Variants in CACHD1 observed in about 807,000 individuals in gnomAD.
CACHD1 encodes VWFA and cache domain-containing protein 1.
In CACHD1, 71 loss-of-function variants were observed where a neutral mutation model predicts 138.7. The ratio of observed to expected loss-of-function variants is 0.51; its 90% CI spans 0.42 to 0.62. The LOEUF is 0.62. Ranked by LOEUF, CACHD1 falls within the 20% of genes least tolerant of loss-of-function variation. The probability of loss-of-function intolerance (pLI) is 0.00; values close to 1 mark genes in which losing one functional copy is unlikely to be tolerated. For missense variants in CACHD1, 1,389 were observed against 1,625.3 expected (o/e 0.85, Z 2.50); for synonymous variants, 578 against 591.5 (o/e 0.98, Z 0.33).
rs900322666 is a variant in CACHD1, at chr1:64,582,296, C to T, written c.402C>T (p.Ser134=). Residue 134 remains serine (S), a synonymous_variant, in exon 3 of 27, where the codon TCC becomes TCT. Transcript: ENST00000651257. The part of the protein sequence containing the change: ...AIQDCCTIPP[S]MMEFDGNFNT... ...AAGACTGCTGTACTATCCCACCTTC[C>T]ATGATGGAGTAAGACTTTAAAACTT... 2 of 1,613,300 alleles carry T rather than the reference C, an allele frequency of 1.2e-6. No individual in the cohort carries two copies. The highest frequency in any genetic ancestry group is 1.7e-6 in the Non-Finnish European group (2 of 1,179,508).
At chr1:64,603,961 C>T (rs1360281409) in intron 4 of CACHD1, among the ~76,000 whole-genome samples, 1 of 151,794 alleles carries the variant, frequency 6.6e-6, no homozygotes, top group African/African-American at 2.4e-5. Context: ...AGCACGGGAA[C>T]CCCCCCAAAG....
At chr1:64,578,330 G>GA (rs945902796) in intron 2 of CACHD1, among the ~76,000 whole-genome samples, 1 of 152,150 alleles carries the variant, frequency 6.6e-6, no homozygotes, top group Non-Finnish European at 1.5e-5. Context: ...GAAGAACCCT[G>GA]AAATCTCTTT....
chr1:64,546,804 C>T (rs1327947227), intron 1 of CACHD1, among the ~76,000 whole-genome samples: 1 of 152,108 alleles, frequency 6.6e-6, no homozygotes, highest in African/African-American at 2.4e-5. Flanking sequence ...GCCCCGTACT[C>T]TATTTCTTTT....
At chr1:64,678,070 G>A (rs1650052696) in intron 22 of CACHD1, 89 bp from the exon 23 acceptor site, 3 of 1,350,770 alleles carry the variant, frequency 2.2e-6, no homozygotes, top group Non-Finnish European at 3.0e-6. Flanking sequence ...AAGTAATGGA[G>A]ATCCTGAGAA....
intron 1 of CACHD1, among the ~76,000 whole-genome samples, chr1:64,510,098 G>T (rs926667858): frequency 6.6e-6 from 1 of 152,050 alleles, no homozygotes; most frequent in Non-Finnish European, 1.5e-5. Flanking sequence ...ATTTTAATGG[G>T]AGTCAAGAGC....
rs190044758 is a variant in CACHD1, at chr1:64,610,101, T to G, written c.517+7189T>G. ...GATCAGATCTCCTGAGAACTCACTT[T>G]CACAAGAACAGCATGAAGGTAACCA... On this transcript the variant is annotated intron_variant, in intron 4 of 26. Transcript: ENST00000651257. Among the ~76,000 whole-genome samples the G allele has an allele frequency of 1.2e-4, 18 of 152,248 alleles. No homozygotes were observed. In the East Asian group the frequency reaches 3.5e-3, roughly 29 times the overall value.
At chr1:64,547,254 G>T (rs1355982532) in intron 1 of CACHD1, among the ~76,000 whole-genome samples, 1 of 152,168 alleles carries the variant, frequency 6.6e-6, no homozygotes, top group Non-Finnish European at 1.5e-5. Flanking sequence ...GGCTTAGCAG[G>T]TCCTGCATTT....
At chr1:64,675,870 C>A in intron 20 of CACHD1, 27 bp from the exon 21 acceptor site, 2 of 1,438,444 alleles carry the variant, frequency 1.4e-6, no homozygotes, top group Non-Finnish European at 1.9e-6. Context: ...TGACCTTCTG[C>A]ATAGTAACTT....
chr1:64,691,324 T>A lies in CACHD1; in HGVS notation c.3588T>A (p.Gly1196=). Residue 1196 remains glycine, a splice_region_variant and synonymous_variant, in exon 27 of 27, where the codon GGT becomes GGA. Transcript: ENST00000651257. ...GTGTTTGTTTTGTTCTTTTTCTAGG[T>A]TACAGCACCATGAGCCCACAGGAGG... ...WGRSGTESDH[G]YSTMSPQEDS... is the part of the protein sequence containing the mutation. 6.2e-7 allele frequency: 1 copy of A among 1,613,802 alleles called. No homozygotes were observed. The highest frequency in any genetic ancestry group is 8.5e-7 in the Non-Finnish European group (1 of 1,179,746).
At chr1:64,676,719 T>C (rs539594436) in intron 21 of CACHD1, among the ~76,000 whole-genome samples, 176 bp from the exon 22 acceptor site, 157 of 152,308 alleles carry the variant, frequency 1.0e-3, no homozygotes, top group African/African-American at 3.5e-3. Context: ...TTCTACTGTA[T>C]ATAAAGATAA....
rs781255848 is a variant in CACHD1, at chr1:64,632,723, G to T, written c.769G>T (p.Ala257Ser). 2.5e-6 allele frequency: 4 copies of T among 1,613,984 alleles called. No homozygotes were observed. Among genetic ancestry groups the T allele is most frequent in the Non-Finnish European group, 3.4e-6 (4 of 1,179,998 alleles). Residue 257 changes from alanine to serine, a missense_variant, in exon 6 of 27, where the codon GCC becomes TCC. Physicochemically the swap from Ala to Ser is moderately conservative, Grantham distance 99. This residue lies in a region of CACHD1 where 1,000 missense variants were observed against 1,114.7 expected (regional missense o/e 0.90). Coordinates refer to ENST00000651257, the MANE Select transcript of CACHD1 (RefSeq NM_020925.4). ...AKDAAQVILSAIDEHDKISVL... is the reference protein window; with the variant it reads ...AKDAAQVILSSIDEHDKISVL... ...GGACGCTGCTCAGGTCATCCTCAGCGCCATCGATGAACATGACAAGGTGAC... is the reference window on the plus strand; with the variant it reads ...GGACGCTGCTCAGGTCATCCTCAGCTCCATCGATGAACATGACAAGGTGAC...
intron 12 of CACHD1, among the ~76,000 whole-genome samples, chr1:64,655,131 G>T (rs960961298): frequency 6.6e-6 from 1 of 152,122 alleles, no homozygotes; most frequent in Non-Finnish European, 1.5e-5. Context: ...GCCAGACGTG[G>T]TGACACATGC....
chr1:64,506,656 T>A (rs1646379382), intron 1 of CACHD1, among the ~76,000 whole-genome samples: 1 of 152,208 alleles, frequency 6.6e-6, no homozygotes, highest in Non-Finnish European at 1.5e-5. Context: ...TAAGTGGATG[T>A]GTCAAGAAAG....
chr1:64,520,382 T>C (rs1646489620), intron 1 of CACHD1, among the ~76,000 whole-genome samples: 1 of 152,212 alleles, frequency 6.6e-6, no homozygotes, highest in African/African-American at 2.4e-5. Context: ...TTCACTTTGC[T>C]AATTGGCAAA....
chr1:64,558,461 C>T (rs1406424791), intron 2 of CACHD1, among the ~76,000 whole-genome samples: 1 of 152,158 alleles, frequency 6.6e-6, no homozygotes, highest in Admixed American at 6.5e-5. Flanking sequence ...TTTCCTTGTT[C>T]CATATTTCCT....
intron 1 of CACHD1, 108 bp downstream of exon 1, chr1:64,471,050 A>G: frequency 2.7e-6 from 3 of 1,125,802 alleles, no homozygotes; most frequent in Non-Finnish European, 3.7e-6. Context: ...CTCCTTGCAT[A>G]CATAGAGCCC....
At chr1:64,522,338 C>T (rs530957416) in intron 1 of CACHD1, among the ~76,000 whole-genome samples, 2 of 151,398 alleles carry the variant, frequency 1.3e-5, no homozygotes, top group East Asian at 1.9e-4. Flanking sequence ...AGATGAAGCT[C>T]GCTGTGTCTC....
chr1:64,570,666 C>T (rs991115396), intron 2 of CACHD1, among the ~76,000 whole-genome samples: 5 of 152,138 alleles, frequency 3.3e-5, no homozygotes, highest in African/African-American at 1.2e-4. Context: ...ATATTAGATG[C>T]AGCTTGGCAA....
intron 2 of CACHD1, chr1:64,579,873 C>T (rs945565778): frequency 6.5e-6 from 1 of 153,278 alleles, no homozygotes; most frequent in Non-Finnish European, 1.5e-5. Context: ...TCTCACGAGA[C>T]TGTATGTCCT....
Sources: gnomAD v4.1 joint callset for allele counts (sites outside exome capture counted in the v4.1 genomes callset) on GRCh38, gnomAD v4.1.1 for gene constraint, gnomAD v4.1.1 regional missense constraint, MANE v1.5 for transcripts, NCBI Gene and HGNC (gene_info 2026-07-23, HGNC 2026-07-21) for gene names.